RNF24: variants seen among roughly 807,000 people sequenced by gnomAD.
RNF24 encodes ring finger protein 24.
RNF24 carries 14 observed loss-of-function variants against 20.0 expected under a neutral mutation model. The observed-to-expected ratio is 0.70, with a 90% CI of 0.46 to 1.10. The LOEUF (loss-of-function observed/expected upper bound fraction) is 1.10, where lower values mean the gene tolerates loss of function less well. RNF24 is among the 50% of genes least tolerant of loss of function. RNF24 has a pLI of 0.00. For synonymous variants in RNF24, 45 were observed against 61.1 expected, an observed-to-expected ratio of 0.74 and a Z score of 1.23; for missense variants, 124 against 177.6, an observed-to-expected ratio of 0.70 and a Z score of 1.71.
At position 3,934,440 on chromosome 20, in the gene RNF24, C is replaced by A. The variant is rs1309246190; in HGVS notation, c.309-239G>T. Among the ~76,000 whole-genome samples, 1 of 152,162 alleles carries A rather than the reference C, an allele frequency of 6.6e-6. No homozygotes were observed. Among genetic ancestry groups the A allele is most frequent in the Non-Finnish European group, 1.5e-5 (1 of 68,038 alleles). On this transcript the variant is annotated intron_variant, in intron 5 of 5. Transcript: ENST00000358395. This position sits in a 1 kb window ranked among gnomAD's most constrained non-coding sequence, Gnocchi z 4.0. Reference sequence around the variant, plus strand: ...TCCTTCCAGAGCCTCCCATCTTCCACGTGTGAAGCCACAGATAGTATGTGA... The same window carrying A: ...TCCTTCCAGAGCCTCCCATCTTCCAAGTGTGAAGCCACAGATAGTATGTGA...
intron 1 of RNF24, among the ~76,000 whole-genome samples, chr20:3,986,603 T>C (rs140164422): frequency 4.0e-5 from 6 of 151,394 alleles, no homozygotes; most frequent in African/African-American, 1.5e-4. Context: ...GAACTCAAAT[T>C]CCCTCCTGAC....
intron 2 of RNF24, among the ~76,000 whole-genome samples, chr20:3,956,040 C>G (rs1259352270): frequency 6.6e-6 from 1 of 151,572 alleles, no homozygotes; most frequent in East Asian, 1.9e-4. Flanking sequence ...TGTGTGGATC[C>G]TACGGGATTT....
intron 1 of RNF24, among the ~76,000 whole-genome samples, chr20:3,968,944 T>G (rs550403091): frequency 6.6e-6 from 1 of 152,072 alleles, no homozygotes; most frequent in Non-Finnish European, 1.5e-5. Flanking sequence ...CATATAGATT[T>G]GAGATTTATC....
chr20:4,009,857 T>A (rs1025222357), intron 1 of RNF24, among the ~76,000 whole-genome samples: 2 of 152,088 alleles, frequency 1.3e-5, no homozygotes, highest in Non-Finnish European at 1.5e-5. Flanking sequence ...AATTTTAAAA[T>A]TTTTAAAGAG....
intron 4 of RNF24, among the ~76,000 whole-genome samples, chr20:3,940,901 C>G (rs1053821718): frequency 2.6e-5 from 4 of 152,046 alleles, no homozygotes; most frequent in African/African-American, 9.7e-5. Context: ...AAGAAAATTA[C>G]TAAAGGAAAG....
chr20:3,933,939 T>C lies in RNF24; in HGVS notation c.*124A>G. On this transcript the variant is annotated 3_prime_UTR_variant, in exon 6 of 6. Coordinates refer to ENST00000358395, the MANE Select transcript of RNF24 (RefSeq NM_001134337.3). Reference sequence around the variant, plus strand: ...CCCAGTTTGGCTGGCCCAAGAGTTCTTCATGAGGCAAAAGAAGTGGCAGCT... The same window carrying C: ...CCCAGTTTGGCTGGCCCAAGAGTTCCTCATGAGGCAAAAGAAGTGGCAGCT... 9.7e-7 allele frequency: 1 copy of C among 1,034,352 alleles called. No individual in the cohort carries two copies. Among genetic ancestry groups the C allele is most frequent in the South Asian group, 3.2e-5 (1 of 30,772 alleles). 64.1% of individuals were successfully genotyped at this position (1,034,352 alleles called of 1,614,324 possible). A position where few individuals can be genotyped will look rare whatever the true frequency, so the allele number is the denominator to read the frequency against.
chr20:3,991,283 G>T (rs1337774018), intron 1 of RNF24, among the ~76,000 whole-genome samples: 1 of 116,688 alleles, frequency 8.6e-6, no homozygotes, highest in South Asian at 2.5e-4. Flanking sequence ...ATGGAGTCTC[G>T]CTCTGCCGCC....
chr20:4,004,789 T>C (rs906452128), intron 1 of RNF24, among the ~76,000 whole-genome samples: 2 of 152,184 alleles, frequency 1.3e-5, no homozygotes, highest in Non-Finnish European at 2.9e-5. Context: ...TTCTGTTGTT[T>C]AAAGCCACGA....
intron 1 of RNF24, among the ~76,000 whole-genome samples, chr20:4,007,371 C>G (rs1165381642): frequency 6.6e-6 from 1 of 152,010 alleles, no homozygotes. Context: ...GAATATACTT[C>G]GTACTGCTAC....
chr20:3,973,207 A>T (rs1011196606), intron 1 of RNF24, among the ~76,000 whole-genome samples: 43 of 150,678 alleles, frequency 2.9e-4, no homozygotes, highest in Non-Finnish European at 5.1e-4. Flanking sequence ...CCATCTCAAA[A>T]TAAAAAAAAA....
At chr20:3,995,826 CTTT>C (rs887689992) in intron 1 of RNF24, among the ~76,000 whole-genome samples, 3 of 147,022 alleles carry the variant, frequency 2.0e-5, no homozygotes, top group African/African-American at 7.5e-5. Context: ...TTTGGTTCTG[CTTT>C]TTTTTTTCAA....
chr20:3,957,090 CCAGAT>C (rs1229843826), intron 2 of RNF24, among the ~76,000 whole-genome samples: 1 of 151,800 alleles, frequency 6.6e-6, no homozygotes, highest in Non-Finnish European at 1.5e-5. Context: ...GTCAGGAGTT[CCAGAT>C]CAGATCAGCC....
At position 3,934,271 on chromosome 20, in the gene RNF24, T is replaced by A; in HGVS notation, c.309-70A>T. On this transcript the variant is annotated intron_variant, in intron 5 of 5. Coordinates refer to ENST00000358395, the MANE Select transcript of RNF24 (RefSeq NM_001134337.3). This position sits in a 1 kb window ranked among gnomAD's most constrained non-coding sequence, Gnocchi z 4.0. ...CATGGCACGGCTGTTCTGCTGAACA[T>A]CTCCATATCTGTCACCCAGACAACG... The A allele has an allele frequency of 6.8e-7, 1 of 1,480,392 alleles. No homozygotes were observed. 91.7% of individuals were successfully genotyped at this position (1,480,392 alleles called of 1,614,324 possible). A position where few individuals can be genotyped will look rare whatever the true frequency, so the allele number is the denominator to read the frequency against.
intron 1 of RNF24, among the ~76,000 whole-genome samples, chr20:3,972,799 A>T (rs1485225609): frequency 2.0e-5 from 3 of 152,064 alleles, no homozygotes; most frequent in Non-Finnish European, 4.4e-5. Flanking sequence ...GTTACTCAAG[A>T]GGCTAAGGCA....
intron 1 of RNF24, among the ~76,000 whole-genome samples, chr20:3,970,399 TCATAA>T (rs553401968): frequency 3.9e-4 from 60 of 152,246 alleles, no homozygotes; most frequent in African/African-American, 1.3e-3. Context: ...ATCCAGAGTC[TCATAA>T]CATAATACAC....
chr20:3,966,601 A>G (rs1055620512), intron 1 of RNF24, among the ~76,000 whole-genome samples: 6 of 151,992 alleles, frequency 3.9e-5, no homozygotes, highest in African/African-American at 1.5e-4. Flanking sequence ...CCACCAAACC[A>G]AGTGCCCCTT....
At chr20:3,948,197 G>GA (rs111948308) in intron 3 of RNF24, 40 bp downstream of exon 3, 3,809 of 1,294,862 alleles carry the variant, frequency 2.9e-3, no homozygotes, top group Non-Finnish European at 3.3e-3. Flanking sequence ...TTTTTGGGGG[G>GA]AAAAAAAAAA....
intron 1 of RNF24, among the ~76,000 whole-genome samples, chr20:4,008,349 G>T (rs1167403103): frequency 2.1e-5 from 1 of 47,596 alleles, no homozygotes; most frequent in Non-Finnish European, 4.0e-5. Flanking sequence ...TATTATACAT[G>T]TAATATGTAT....
intron 3 of RNF24, among the ~76,000 whole-genome samples, chr20:3,947,213 T>C (rs565168839): frequency 6.6e-6 from 1 of 151,022 alleles, no homozygotes; most frequent in South Asian, 2.1e-4. Context: ...AAAAACAAGA[T>C]ACGCAGTTCT....
Sources: gnomAD v4.1 joint callset for allele counts (sites outside exome capture counted in the v4.1 genomes callset) on GRCh38, gnomAD v4.1.1 for gene constraint, Gnocchi (gnomAD v3.1) non-coding constraint, MANE v1.5 for transcripts, NCBI Gene and HGNC (gene_info 2026-07-23, HGNC 2026-07-21) for gene names.